The following ZNF804B variants were observed in gnomAD, a reference collection of about 807,000 sequenced individuals.
The protein encoded by ZNF804B is zinc finger protein 804B.
ZNF804B carries 80 observed loss-of-function variants against 101.4 expected under a neutral mutation model. The ratio of observed to expected loss-of-function variants is 0.79; its 90% confidence interval spans 0.66 to 0.95. ZNF804B has a LOEUF of 0.95. Ranked by LOEUF, ZNF804B falls within the 40% of genes least tolerant of loss-of-function variation. The probability of loss-of-function intolerance (pLI) is 0.00; values close to 1 mark genes in which losing one functional copy is unlikely to be tolerated. For missense variants in ZNF804B, 1,673 were observed against 1,561.9 expected (o/e 1.07, Z -1.20); for synonymous variants, 622 against 558.8 (o/e 1.11, Z -1.59).
At chr7:89,007,581 T>G (rs1223046748) in intron 1 of ZNF804B, among the ~76,000 whole-genome samples, 2 of 101,514 alleles carry the variant, frequency 2.0e-5, no homozygotes, top group African/African-American at 4.0e-5. Context: ...ATATATAATA[T>G]ATATTTATAT....
intron 1 of ZNF804B, among the ~76,000 whole-genome samples, chr7:88,766,310 T>G (rs1433827056): frequency 6.6e-6 from 1 of 152,160 alleles, no homozygotes; most frequent in Non-Finnish European, 1.5e-5. Flanking sequence ...AAACCTTGTC[T>G]CAAAAATAAA....
At chr7:88,791,082 T>TA (rs1010823839) in intron 1 of ZNF804B, among the ~76,000 whole-genome samples, 2 of 152,004 alleles carry the variant, frequency 1.3e-5, no homozygotes, top group African/African-American at 4.8e-5. Flanking sequence ...GAGTATAAAT[T>TA]AAAAAAATTC....
chr7:88,926,911 C>T (rs1000207247), intron 1 of ZNF804B, among the ~76,000 whole-genome samples: 2 of 141,800 alleles, frequency 1.4e-5, no homozygotes, highest in Admixed American at 1.5e-4. Context: ...AAATTATAGA[C>T]CACACTTAGA....
At chr7:88,985,716 A>G (rs1239556970) in intron 1 of ZNF804B, among the ~76,000 whole-genome samples, 2 of 152,134 alleles carry the variant, frequency 1.3e-5, no homozygotes, top group African/African-American at 4.8e-5. Context: ...TACTTTGTAT[A>G]TAGGGCAAGG....
At chr7:89,318,963 A>G (rs1385237063) in intron 2 of ZNF804B, among the ~76,000 whole-genome samples, 2 of 152,242 alleles carry the variant, frequency 1.3e-5, no homozygotes, top group Non-Finnish European at 2.9e-5. Context: ...TAAATTAACT[A>G]TAAGTATTCC....
At position 88,878,040 on chromosome 7, in the gene ZNF804B, A is replaced by C. The variant is rs1424702636; in HGVS notation, c.108+117956A>C. Among the ~76,000 whole-genome samples, 155 of 152,320 alleles carry C rather than the reference A, an allele frequency of 1.0e-3. 1 individual carries two copies. Among genetic ancestry groups the C allele is most frequent in the Non-Finnish European group, 1.2e-4 (8 of 68,006 alleles). On this transcript the variant is annotated intron_variant, in intron 1 of 3. Coordinates refer to ENST00000333190, the MANE Select transcript of ZNF804B (RefSeq NM_181646.5). ...GGTTAAATCATCATTGGCCATTGCA[A>C]GTAAAATTTTGGGATTAAGTATACT...
intron 2 of ZNF804B, among the ~76,000 whole-genome samples, chr7:89,322,517 T>G (rs1790835761): frequency 6.6e-6 from 1 of 152,058 alleles, no homozygotes; most frequent in African/African-American, 2.4e-5. Context: ...TTAATAAAAT[T>G]AATAATCACT....
chr7:89,180,220 T>C (rs1297492392), intron 1 of ZNF804B, among the ~76,000 whole-genome samples: 1 of 152,140 alleles, frequency 6.6e-6, no homozygotes, highest in African/African-American at 2.4e-5. Context: ...CAGCCAGGGT[T>C]GTGTCTTTCT....
intron 2 of ZNF804B, among the ~76,000 whole-genome samples, chr7:89,271,142 G>T (rs1223922817): frequency 6.6e-6 from 1 of 152,124 alleles, no homozygotes; most frequent in Non-Finnish European, 1.5e-5. Context: ...CCTGTCTTGT[G>T]CCAGTTTTCA....
At chr7:88,937,746 G>A (rs1315388420) in intron 1 of ZNF804B, among the ~76,000 whole-genome samples, 1 of 152,154 alleles carries the variant, frequency 6.6e-6, no homozygotes, top group South Asian at 2.1e-4. Context: ...AAATCAATAT[G>A]TGTGCACCTT....
At position 88,876,153 on chromosome 7, in the gene ZNF804B, A is replaced by G. The variant is rs547300970; in HGVS notation, c.108+116069A>G. Among the ~76,000 whole-genome samples the G allele has an allele frequency of 5.9e-5, 9 of 152,112 alleles. No individual in the cohort carries two copies. In the South Asian group the frequency reaches 1.9e-3, roughly 32 times the overall value. On this transcript the variant is annotated intron_variant, in intron 1 of 3. Coordinates refer to ENST00000333190, the MANE Select transcript of ZNF804B (RefSeq NM_181646.5). ...TCATGTCCCCTCTTTACTTTCTCTC[A>G]AGTCTATCTCTTTTACTGCTTTCCC...
chr7:89,156,092 T>TC (rs1790970193), intron 1 of ZNF804B, among the ~76,000 whole-genome samples: 2 of 92,908 alleles, frequency 2.2e-5, no homozygotes, highest in East Asian at 2.4e-4. Flanking sequence ...CTCTTTCCTT[T>TC]CTTTCTTTCT....
intron 1 of ZNF804B, among the ~76,000 whole-genome samples, chr7:88,897,987 G>C (rs755807428): frequency 6.7e-6 from 1 of 148,950 alleles, no homozygotes; most frequent in African/African-American, 2.5e-5. Context: ...ATAGCCTGAA[G>C]GTCTTTTAAA....
intron 2 of ZNF804B, among the ~76,000 whole-genome samples, chr7:89,230,576 A>C (rs1414983643): frequency 6.6e-6 from 1 of 152,134 alleles, no homozygotes; most frequent in Non-Finnish European, 1.5e-5. Flanking sequence ...AAGAGAATAG[A>C]TCAATAGATC....
chr7:88,773,755 GGTAAAGTGGGAGCCT>G (rs1348185968), intron 1 of ZNF804B, among the ~76,000 whole-genome samples: 1 of 151,984 alleles, frequency 6.6e-6, no homozygotes, highest in Non-Finnish European at 1.5e-5. Context: ...CATGGTGGAA[GGTAAAGTGGGAGCCT>G]GCATGTCATA....
intron 1 of ZNF804B, among the ~76,000 whole-genome samples, chr7:88,804,521 C>T (rs1269376993): frequency 6.6e-6 from 1 of 151,898 alleles, no homozygotes; most frequent in Non-Finnish European, 1.5e-5. Context: ...AGCTTCTTTG[C>T]AGGACAGAAC....
At chr7:89,036,347 G>T (rs1788927358) in intron 1 of ZNF804B, among the ~76,000 whole-genome samples, 5 of 151,656 alleles carry the variant, frequency 3.3e-5, no homozygotes, top group Admixed American at 3.3e-4. Context: ...TAACACTGAT[G>T]TGCACAGACA....
chr7:89,076,412 T>A (rs1219965121), intron 1 of ZNF804B, among the ~76,000 whole-genome samples: 1 of 152,172 alleles, frequency 6.6e-6, no homozygotes, highest in Non-Finnish European at 1.5e-5. Flanking sequence ...ACTCCATCCA[T>A]GTAAGACGTG....
chr7:89,333,256 T>G, intron 3 of ZNF804B, 107 bp from the exon 4 acceptor site: 1 of 1,094,894 alleles, frequency 9.1e-7, no homozygotes, highest in Non-Finnish European at 1.3e-6. Context: ...AAGATGTAGC[T>G]CATAAAATGT....
Sources: gnomAD v4.1 joint callset for allele counts (sites outside exome capture counted in the v4.1 genomes callset) on GRCh38, gnomAD v4.1.1 for gene constraint, MANE v1.5 for transcripts, NCBI Gene and HGNC (gene_info 2026-07-23, HGNC 2026-07-21) for gene names.